COX7A2: variants seen among roughly 807,000 people sequenced by gnomAD.
COX7A2 encodes the protein cytochrome c oxidase subunit 7A2, mitochondrial.
COX7A2 carries 11 observed loss-of-function variants against 11.6 expected under a neutral mutation model. The observed-to-expected ratio is 0.95, with a 90% CI of 0.60 to 1.57. The LOEUF (loss-of-function observed/expected upper bound fraction) is 1.57, where lower values mean the gene tolerates loss of function less well. Among genes scored for constraint, COX7A2 ranks in the 40% most tolerant of loss-of-function variants. The pLI is 0.00. For missense variants in COX7A2, 106 were observed against 100.9 expected (o/e 1.05, Z -0.22); for synonymous variants, 30 against 38.2 (o/e 0.78, Z 0.79).
At chr6:75,244,386 A>G (rs1421641538), upstream of COX7A2, among the ~76,000 whole-genome samples, 1 of 152,140 alleles carries the variant, frequency 6.6e-6, no homozygotes, top group Non-Finnish European at 1.5e-5. Context: ...AGTGTCCCCA[A>G]ATTGTGGAAG....
At chr6:75,248,790 G>A (rs146149985), upstream of COX7A2, among the ~76,000 whole-genome samples, 3 of 152,236 alleles carry the variant, frequency 2.0e-5, no homozygotes, top group Middle Eastern at 3.4e-3. Context: ...TGTAATACAC[G>A]CAAGGGAATA....
At chr6:75,241,297 A>G in intron 1 of COX7A2, 32 bp from the exon 2 acceptor site, 2 of 1,469,570 alleles carry the variant, frequency 1.4e-6, no homozygotes, top group Non-Finnish European at 1.8e-6. Flanking sequence ...ATAGACTTAG[A>G]GCCTAAAGAA....
chr6:75,242,640 T>C (rs905304375), intron 1 of COX7A2, among the ~76,000 whole-genome samples: 4 of 151,644 alleles, frequency 2.6e-5, no homozygotes, highest in Admixed American at 2.0e-4. Context: ...GCCAACATGG[T>C]GAAACCCCGT....
chr6:75,238,027 C>G (rs1439448810), intron 3 of COX7A2, 39 bp from the exon 4 acceptor site: 1 of 1,361,576 alleles, frequency 7.3e-7, no homozygotes, highest in East Asian at 2.4e-5. Context: ...ACCATAAATT[C>G]TAAGATCTAA....
chr6:75,245,600 C>A (rs967178827), upstream of COX7A2, among the ~76,000 whole-genome samples: 1 of 151,976 alleles, frequency 6.6e-6, no homozygotes, highest in Non-Finnish European at 1.5e-5. Context: ...ATCATTCCAT[C>A]TATTAACACA....
chr6:75,247,165 C>A (rs1403715643), upstream of COX7A2, among the ~76,000 whole-genome samples: 2 of 152,152 alleles, frequency 1.3e-5, no homozygotes, highest in Admixed American at 1.3e-4. Flanking sequence ...GAAAATATCT[C>A]ATAATTACTG....
upstream of COX7A2, chr6:75,243,875 T>A: frequency 6.4e-7 from 1 of 1,571,902 alleles, no homozygotes; most frequent in Non-Finnish European, 8.7e-7. Flanking sequence ...CTTGCGCTCC[T>A]AACCATAGAG....
At chr6:75,247,831 G>A (rs944121994), upstream of COX7A2, among the ~76,000 whole-genome samples, 2 of 152,026 alleles carry the variant, frequency 1.3e-5, no homozygotes, top group African/African-American at 4.8e-5. Flanking sequence ...GCATAAGGAG[G>A]AAGAAAATCA....
rs553448994 is a variant in COX7A2, at chr6:75,243,373, C to CA, written c.18+343dup. On this transcript the variant is annotated intron_variant, in intron 1 of 3. Transcript: ENST00000684430. ...CTTTCTGCTTGATGCTTCCGGGTGT[C>CA]AGACACTCCCCACCTGGGTCTTGGT... 2.7e-3 allele frequency among the ~76,000 whole-genome samples: 417 copies of CA among 152,222 alleles called. 1 individual carries two copies. The highest frequency in any genetic ancestry group is 9.8e-3 in the African/African-American group (406 of 41,512).
At chr6:75,245,837 ATCCG>A (rs1771669273), upstream of COX7A2, among the ~76,000 whole-genome samples, 1 of 152,192 alleles carries the variant, frequency 6.6e-6, no homozygotes, top group African/African-American at 2.4e-5. Context: ...AACATAGTTA[ATCCG>A]TCCCTCACCA....
upstream of COX7A2, among the ~76,000 whole-genome samples, chr6:75,244,729 T>A (rs919252845): frequency 3.9e-5 from 6 of 152,316 alleles, no homozygotes; most frequent in East Asian, 1.2e-3. Flanking sequence ...CAGCAAAGGA[T>A]AAAAATTAGT....
chr6:75,241,793 C>T (rs566526112), intron 1 of COX7A2: 2 of 152,328 alleles, frequency 1.3e-5, no homozygotes, highest in African/African-American at 2.4e-5. Flanking sequence ...ACTAAAAATA[C>T]AAAATTAGCC....
At chr6:75,249,575 A>G (rs1378519371) in intron 1 of COX7A2, among the ~76,000 whole-genome samples, 8 of 152,226 alleles carry the variant, frequency 5.3e-5, no homozygotes, top group East Asian at 3.8e-4. Flanking sequence ...AAATAACTCA[A>G]TAAATATTTA....
At chr6:75,238,026 T>A in intron 3 of COX7A2, 38 bp from the exon 4 acceptor site, 2 of 1,362,636 alleles carry the variant, frequency 1.5e-6, no homozygotes, top group Non-Finnish European at 2.0e-6. Context: ...AACCATAAAT[T>A]CTAAGATCTA....
At chr6:75,244,382 C>T (rs561402553), upstream of COX7A2, among the ~76,000 whole-genome samples, 6 of 152,230 alleles carry the variant, frequency 3.9e-5, no homozygotes, top group East Asian at 1.2e-3. Context: ...CCACAGTGTC[C>T]CCAAATTGTG....
chr6:75,241,498 A>C (rs1332747270), intron 1 of COX7A2, among the ~76,000 whole-genome samples: 2 of 152,234 alleles, frequency 1.3e-5, no homozygotes, highest in South Asian at 2.1e-4. Flanking sequence ...ATTCATATAG[A>C]TTCTAACCAA....
chr6:75,249,353 G>A (rs901470247), intron 1 of COX7A2, among the ~76,000 whole-genome samples: 81 of 152,338 alleles, frequency 5.3e-4, no homozygotes, highest in African/African-American at 1.9e-3. Flanking sequence ...AAGCGTTGAT[G>A]TGCTGCAGAA....
Position 75,237,833 on chromosome 6 carries a change from A to G in COX7A2, c.*97T>C. 1.2e-6 allele frequency: 1 copy of G among 860,422 alleles called. No homozygotes were observed. The highest frequency in any genetic ancestry group is 1.9e-6 in the Non-Finnish European group (1 of 536,700). 53.3% of individuals were successfully genotyped at this position (860,422 alleles called of 1,614,324 possible). ...GGTGGCAGTTACTACAAGTCAATAA[A>G]TATTGATCCCCAAAGAAGAGCTCGG... On this transcript the variant is annotated 3_prime_UTR_variant, in exon 4 of 4. Transcript: ENST00000684430.
upstream of COX7A2, among the ~76,000 whole-genome samples, chr6:75,246,532 T>C (rs1771685361): frequency 6.6e-6 from 1 of 152,206 alleles, no homozygotes; most frequent in Non-Finnish European, 1.5e-5. Context: ...ACAGCAATGA[T>C]TCTTTTAAGA....
Sources: allele counts gnomAD v4.1 joint callset (sites outside exome capture counted in the v4.1 genomes callset), GRCh38; gene constraint gnomAD v4.1.1; transcripts MANE v1.5; gene names NCBI Gene and HGNC (gene_info 2026-07-23, HGNC 2026-07-21).